The following TMEM200A variants were observed in gnomAD, a reference collection of about 807,000 sequenced individuals.
TMEM200A encodes the protein transmembrane protein 200A.
In TMEM200A, 12 loss-of-function variants were observed where a neutral mutation model predicts 24.3. The observed-to-expected ratio is 0.49, with a 90% CI of 0.32 to 0.80. The LOEUF (loss-of-function observed/expected upper bound fraction) is 0.80, where lower values mean the gene tolerates loss of function less well. Among genes scored for constraint, TMEM200A ranks in the 30% least tolerant of loss-of-function variants. The probability of loss-of-function intolerance (pLI) is 0.04; values close to 1 mark genes in which losing one functional copy is unlikely to be tolerated. For missense variants in TMEM200A, 545 were observed against 614.4 expected (o/e 0.89, Z 1.19); for synonymous variants, 224 against 224.4 (o/e 1.00, Z 0.02).
chr6:130,401,074 T>C (rs1437181009), intron 2 of TMEM200A, among the ~76,000 whole-genome samples: 1 of 152,070 alleles, frequency 6.6e-6, no homozygotes, highest in East Asian at 1.9e-4. Context: ...GATGTCTCTT[T>C]TCTTCATCAG....
intron 2 of TMEM200A, among the ~76,000 whole-genome samples, chr6:130,422,623 C>T (rs1779625115): frequency 6.6e-6 from 1 of 152,068 alleles, no homozygotes; most frequent in African/African-American, 2.4e-5. Flanking sequence ...ATTATTTCTC[C>T]TTGGGATATC....
chr6:130,433,136 CTT>C (rs34311658), intron 2 of TMEM200A, among the ~76,000 whole-genome samples: 17 of 138,342 alleles, frequency 1.2e-4, no homozygotes, highest in Admixed American at 2.2e-4. Flanking sequence ...AAAAGATGAT[CTT>C]TTTTTTTTTT....
intron 2 of TMEM200A, among the ~76,000 whole-genome samples, chr6:130,393,351 G>A (rs1174677308): frequency 6.6e-6 from 1 of 152,128 alleles, no homozygotes; most frequent in Non-Finnish European, 1.5e-5. Flanking sequence ...ACAATAGAGT[G>A]CTATTTAAAA....
intron 2 of TMEM200A, among the ~76,000 whole-genome samples, chr6:130,392,270 C>A (rs1196192156): frequency 6.6e-6 from 1 of 152,186 alleles, no homozygotes; most frequent in Non-Finnish European, 1.5e-5. Flanking sequence ...AATGCATAGC[C>A]TGTTGAATAA....
intron 2 of TMEM200A, among the ~76,000 whole-genome samples, chr6:130,423,669 T>C (rs1779657310): frequency 6.6e-6 from 1 of 152,076 alleles, no homozygotes; most frequent in South Asian, 2.1e-4. Context: ...ATAGGGGTCA[T>C]TTTTTAGTAT....
In TMEM200A at chr6:130,378,273, T is replaced by A. The variant is rs1159799433; in HGVS notation, c.-80-6900T>A. Among the ~76,000 whole-genome samples, 4 of 151,600 alleles carry A rather than the reference T, an allele frequency of 2.6e-5. No individual in the cohort carries two copies. The East Asian group carries it at 7.8e-4, about 29-fold the overall frequency. Reference sequence around the variant, plus strand: ...AGAGTTCAGGCACATAAGTGGGGGTTTTATTGGGCCTAACCCTTACTTTTA... The same window carrying A: ...AGAGTTCAGGCACATAAGTGGGGGTATTATTGGGCCTAACCCTTACTTTTA... On this transcript the variant is annotated intron_variant, in intron 1 of 2. Coordinates refer to ENST00000296978, the MANE Select transcript of TMEM200A (RefSeq NM_001258277.2).
chr6:130,420,158 AG>A (rs151042900), intron 2 of TMEM200A, among the ~76,000 whole-genome samples: 2,484 of 152,272 alleles, frequency 0.016, 20 homozygotes, highest in East Asian at 0.04. Context: ...TTCAGACTAT[AG>A]CACCACCTCT....
At chr6:130,373,519 A>G (rs1055844127) in intron 1 of TMEM200A, among the ~76,000 whole-genome samples, 1 of 152,118 alleles carries the variant, frequency 6.6e-6, no homozygotes, top group African/African-American at 2.4e-5. Flanking sequence ...GACAAGCTTT[A>G]TTAATGTCAG....
At chr6:130,429,081 G>A (rs958609694) in intron 2 of TMEM200A, among the ~76,000 whole-genome samples, 3 of 152,118 alleles carry the variant, frequency 2.0e-5, no homozygotes, top group Non-Finnish European at 2.9e-5. Context: ...AAATGCTACA[G>A]CAGTGTAACA....
In TMEM200A at chr6:130,442,481, C is replaced by T. The variant is rs375353378; in HGVS notation, c.*583C>T. 6.0e-6 allele frequency: 1 copy of T among 166,150 alleles called. No homozygotes were observed. The allele number at this position is 166,150 out of a possible 1,614,324, so 10.3% of individuals were successfully genotyped here. The stretch of plus-strand genomic sequence containing the variant: ...TAAGTAGTTATTTTTTTCAATATCA[C>T]TTCTGTTTTTAGTGATATTATATCA... On this transcript the variant is annotated 3_prime_UTR_variant, in exon 3 of 3. Coordinates refer to ENST00000296978, the MANE Select transcript of TMEM200A (RefSeq NM_001258277.2).
rs1489631769 is a variant in TMEM200A, at chr6:130,441,156, C to T, written c.734C>T (p.Pro245Leu). The change falls in exon 3 of 3, where the codon CCT becomes CTT. Residue 245 changes from proline to leucine, a missense_variant. Pro to Leu is a moderately conservative substitution (Grantham distance 98, BLOSUM62 -3). Transcript: ENST00000296978. The stretch of plus-strand genomic sequence containing the variant: ...AAGAGTTCTGGGCATCTTATGCCCC[C>T]TTTGCTCTCTGACAGCTCTGTGTCT... ...EGKSSGHLMP[P>L]LLSDSSVSVF... is the part of the protein sequence containing the mutation. 4.3e-6 allele frequency: 7 copies of T among 1,614,058 alleles called. No individual in the cohort carries two copies. The highest frequency in any genetic ancestry group is 5.9e-6 in the Non-Finnish European group (7 of 1,179,984).
intron 2 of TMEM200A, among the ~76,000 whole-genome samples, chr6:130,403,642 T>C (rs1453808160): frequency 7.2e-6 from 1 of 138,060 alleles, no homozygotes; most frequent in African/African-American, 3.1e-5. Flanking sequence ...TTCATTTTGC[T>C]ATTTTTTTTT....
chr6:130,391,731 CTTTTTTTTTTTTTTT>C (rs773093362), intron 2 of TMEM200A, among the ~76,000 whole-genome samples: 1 of 81,854 alleles, frequency 1.2e-5, no homozygotes, highest in Non-Finnish European at 2.2e-5. Flanking sequence ...TTCAAGATTC[CTTTTTTTTTTTTTTT>C]TTTTTTTTTT....
Position 130,366,240 on chromosome 6 carries a change from C to T in TMEM200A, c.-365C>T. On this transcript the variant is annotated 5_prime_UTR_variant, in exon 1 of 3. Coordinates refer to ENST00000296978, the MANE Select transcript of TMEM200A (RefSeq NM_001258277.2). This position sits in a 1 kb window ranked among gnomAD's most constrained non-coding sequence, Gnocchi z 4.4. ...TCCCCTGCCCCGAGGCCTCCGGTGC[C>T]CCCCCGGCGCGGGCATAGGGGCGCC... 1 of 985,392 alleles carries T rather than the reference C, an allele frequency of 1.0e-6. No homozygotes were observed. Among genetic ancestry groups the T allele is most frequent in the Non-Finnish European group, 1.2e-6 (1 of 829,956 alleles). 61.0% of individuals were successfully genotyped at this position (985,392 alleles called of 1,614,324 possible). A position where few individuals can be genotyped will look rare whatever the true frequency, so the allele number is the denominator to read the frequency against.
intron 2 of TMEM200A, among the ~76,000 whole-genome samples, chr6:130,400,705 T>C (rs1779065181): frequency 1.3e-5 from 2 of 152,014 alleles, no homozygotes; most frequent in South Asian, 4.1e-4. Context: ...AGAGTTTAAC[T>C]TGGGTTCTGC....
intron 2 of TMEM200A, among the ~76,000 whole-genome samples, chr6:130,392,811 T>C (rs1195056920): frequency 6.6e-6 from 1 of 152,242 alleles, no homozygotes; most frequent in Non-Finnish European, 1.5e-5. Flanking sequence ...TAGCACTTTG[T>C]GCACATGTAC....
intron 2 of TMEM200A, among the ~76,000 whole-genome samples, chr6:130,435,433 T>C (rs145567833): frequency 4.7e-4 from 71 of 152,314 alleles, no homozygotes; most frequent in African/African-American, 1.7e-3. Context: ...ATCAATATAG[T>C]CTCAGGCCAG....
chr6:130,440,290 T>A, intron 2 of TMEM200A, 117 bp from the exon 3 acceptor site: 1 of 1,031,672 alleles, frequency 9.7e-7, no homozygotes, highest in East Asian at 2.8e-5. Context: ...CCCCATTTAA[T>A]CACATGAAAC....
rs903212149 is a variant in TMEM200A at position 130,366,708 on chromosome 6, C to A, written c.-81+184C>A. ...CCAAGTCCGCCATCAGGTCCAGACTCCCCAGTCCCGGGAGCGCGAGAGAAG... is the reference window on the plus strand; with the variant it reads ...CCAAGTCCGCCATCAGGTCCAGACTACCCAGTCCCGGGAGCGCGAGAGAAG... On this transcript the variant is annotated intron_variant, in intron 1 of 2. Transcript: ENST00000296978. This position sits in a 1 kb window ranked among gnomAD's most constrained non-coding sequence, Gnocchi z 4.4. Among the ~76,000 whole-genome samples the A allele has an allele frequency of 6.6e-6, 1 of 152,198 alleles. No individual in the cohort carries two copies. The highest frequency in any genetic ancestry group is 2.4e-5 in the African/African-American group (1 of 41,450).
Sources: allele counts gnomAD v4.1 joint callset (sites outside exome capture counted in the v4.1 genomes callset), GRCh38; gene constraint gnomAD v4.1.1; non-coding constraint Gnocchi (gnomAD v3.1); transcripts MANE v1.5; gene names NCBI Gene and HGNC (gene_info 2026-07-23, HGNC 2026-07-21).